Variants in CPVL observed in about 807,000 individuals in gnomAD.
CPVL encodes carboxypeptidase vitellogenic like.
A neutral mutation model predicts 63.7 loss-of-function variants in CPVL; 51 were observed. That is an observed-to-expected ratio of 0.80 (90% confidence interval 0.64 to 1.01). CPVL has a LOEUF of 1.01. CPVL is among the 50% of genes least tolerant of loss of function. CPVL has a pLI of 0.00. For synonymous variants in CPVL, 195 were observed against 206.0 expected (o/e 0.95, Z 0.46); for missense variants, 530 against 573.1 (o/e 0.92, Z 0.77).
At chr7:29,067,927 C>G (rs1175201589) in intron 9 of CPVL, among the ~76,000 whole-genome samples, 4 of 152,206 alleles carry the variant, frequency 2.6e-5, no homozygotes, top group Non-Finnish European at 5.9e-5. Flanking sequence ...AGCAGTCAGC[C>G]TGCAATGCTT....
At chr7:29,170,869 A>G (rs771432268) in intron 5 of CPVL, among the ~76,000 whole-genome samples, 3 of 152,208 alleles carry the variant, frequency 2.0e-5, no homozygotes, top group Non-Finnish European at 2.9e-5. Flanking sequence ...GAGCTTGTGC[A>G]GGAAAACTTC....
intron 12 of CPVL, among the ~76,000 whole-genome samples, chr7:29,004,901 C>CTT (rs1236433234): frequency 7.8e-5 from 11 of 140,186 alleles, no homozygotes; most frequent in African/African-American, 2.1e-4. Flanking sequence ...CTTTTCTTTT[C>CTT]TTTTTTTTTT....
intron 12 of CPVL, among the ~76,000 whole-genome samples, chr7:29,002,008 T>C (rs550591894): frequency 5.3e-5 from 8 of 152,288 alleles, no homozygotes; most frequent in Admixed American, 4.6e-4. Flanking sequence ...AGAGAGGCCA[T>C]GATCGTAGAG....
chr7:29,113,978 G>T (rs952694336), intron 2 of CPVL, among the ~76,000 whole-genome samples: 8 of 152,210 alleles, frequency 5.3e-5, no homozygotes, highest in Admixed American at 5.2e-4. Flanking sequence ...GTTGGAGACT[G>T]GCTAGTAGGT....
intron 3 of CPVL, among the ~76,000 whole-genome samples, chr7:29,106,346 C>G (rs1223713770): frequency 6.6e-6 from 1 of 151,978 alleles, no homozygotes; most frequent in African/African-American, 2.4e-5. Context: ...TGTGTTCATA[C>G]TGGGAGGGCC....
intron 5 of CPVL, among the ~76,000 whole-genome samples, chr7:29,157,260 C>G (rs1794506617): frequency 6.6e-6 from 1 of 152,126 alleles, no homozygotes; most frequent in Non-Finnish European, 1.5e-5. Flanking sequence ...GACCCCTCCC[C>G]CACCCTGCTA....
chr7:29,084,414 T>G (rs1785017810), intron 7 of CPVL, among the ~76,000 whole-genome samples: 1 of 152,194 alleles, frequency 6.6e-6, no homozygotes, highest in Admixed American at 6.5e-5. Context: ...TCAGACAATC[T>G]TATCCAAAAT....
chr7:29,004,645 C>T (rs1193074695), intron 12 of CPVL, among the ~76,000 whole-genome samples: 1 of 152,178 alleles, frequency 6.6e-6, no homozygotes, highest in Non-Finnish European at 1.5e-5. Flanking sequence ...GTGACTTTGG[C>T]ATAATGACTT....
intron 11 of CPVL, among the ~76,000 whole-genome samples, chr7:29,063,178 C>A (rs571437377): frequency 6.6e-6 from 1 of 152,206 alleles, no homozygotes; most frequent in Non-Finnish European, 1.5e-5. Context: ...TCACTCTCCA[C>A]TGGCACCTCC....
At chr7:29,162,068 G>A (rs1464898204) in intron 5 of CPVL, among the ~76,000 whole-genome samples, 4 of 152,126 alleles carry the variant, frequency 2.6e-5, no homozygotes, top group Non-Finnish European at 4.4e-5. Flanking sequence ...CTCAGACATC[G>A]CTGGTGGCAA....
chr7:29,066,262 TTC>T, intron 9 of CPVL, 141 bp from the exon 10 acceptor site: 2 of 594,534 alleles, frequency 3.4e-6, no homozygotes, highest in South Asian at 4.3e-5. Context: ...ATTGTGCATA[TTC>T]TCTGTGCTAG....
chr7:29,025,132 C>T lies in CPVL; in HGVS notation c.1320+5445G>A, dbSNP rs560053589. 1.5e-3 allele frequency among the ~76,000 whole-genome samples: 221 copies of T among 152,140 alleles called. 4 individuals carry two copies. The highest frequency in any genetic ancestry group is 2.4e-3 in the Non-Finnish European group (160 of 67,980). On this transcript the variant is annotated intron_variant, in intron 12 of 12. Transcript: ENST00000265394. The stretch of plus-strand genomic sequence containing the variant: ...ACATAAAAGACATAAACCGGCTGAA[C>T]GGATAAAAATAAAATATGATCTAAC...
At chr7:29,000,709 A>G (rs561487493) in intron 12 of CPVL, among the ~76,000 whole-genome samples, 2 of 152,278 alleles carry the variant, frequency 1.3e-5, no homozygotes, top group African/African-American at 4.8e-5. Context: ...GGTAAAATAC[A>G]CTTAACATAA....
chr7:29,026,222 T>G (rs968892215), intron 12 of CPVL, among the ~76,000 whole-genome samples: 2 of 152,070 alleles, frequency 1.3e-5, no homozygotes, highest in African/African-American at 2.4e-5. Context: ...GAATGACCAT[T>G]GAATCAATTA....
At chr7:29,194,866 G>T in intron 1 of CPVL, 2 of 1,308,778 alleles carry the variant, frequency 1.5e-6, no homozygotes, top group South Asian at 4.0e-5. Flanking sequence ...CGGAGGCTGC[G>T]AGCGGCCGGG....
intron 12 of CPVL, among the ~76,000 whole-genome samples, chr7:29,022,831 G>T (rs1456836050): frequency 3.9e-5 from 6 of 152,220 alleles, no homozygotes; most frequent in African/African-American, 1.4e-4. Context: ...ACACCTGGGG[G>T]TGCTAAGGAC....
At chr7:29,153,959 TATTA>T (rs984927268) in intron 5 of CPVL, among the ~76,000 whole-genome samples, 8 of 152,146 alleles carry the variant, frequency 5.3e-5, no homozygotes, top group Admixed American at 5.2e-4. Flanking sequence ...ATACAAAATA[TATTA>T]ATTGTTATGT....
intron 12 of CPVL, among the ~76,000 whole-genome samples, chr7:29,026,337 T>C (rs1787487320): frequency 6.6e-6 from 1 of 152,064 alleles, no homozygotes; most frequent in Non-Finnish European, 1.5e-5. Flanking sequence ...AGATGGAAGT[T>C]TATAGTAATA....
rs1459503620 is a variant in CPVL, at chr7:29,030,638, T to G, written c.1259A>C (p.Lys420Thr). The G allele has an allele frequency of 1.6e-5, 26 of 1,613,862 alleles. No homozygotes were observed. The Admixed American group carries it at 2.7e-4, about 17-fold the overall frequency. The change falls in exon 12 of 13, where the codon AAG (lysine) becomes ACG (threonine). Residue 420 changes from lysine (K) to threonine (T), a missense_variant. Physicochemically the swap from Lys to Thr is moderately conservative, Grantham distance 78. Coordinates refer to ENST00000265394, the MANE Select transcript of CPVL (RefSeq NM_031311.5). ...CACTTCACTGTCAGATTTAAAGATC[T>G]TCCAAACTTTTTTTTCTGCCTTCTT... The part of the protein sequence containing the change: ...EYKKAEKKVW[K>T]IFKSDSEVAG...
Sources: allele counts gnomAD v4.1 joint callset (sites outside exome capture counted in the v4.1 genomes callset), GRCh38; gene constraint gnomAD v4.1.1; transcripts MANE v1.5; gene names NCBI Gene and HGNC (gene_info 2026-07-23, HGNC 2026-07-21).